The following NSMCE2 variants were observed in gnomAD, a reference collection of about 807,000 sequenced individuals.
NSMCE2 encodes NSE2 SUMO ligase component of SMC5/6 complex, also known as E3 SUMO-protein ligase NSE2.
NSMCE2 carries 24 observed loss-of-function variants against 23.8 expected under a neutral mutation model. That is an observed-to-expected ratio of 1.01 (90% CI 0.73 to 1.42). The LOEUF is 1.42. NSMCE2 is among the 40% of genes most tolerant of loss of function. The probability of loss-of-function intolerance (pLI) is 0.00; values close to 1 mark genes in which losing one functional copy is unlikely to be tolerated. For missense variants in NSMCE2, 284 were observed against 296.5 expected, an observed-to-expected ratio of 0.96 and a Z score of 0.31; for synonymous variants, 92 against 94.1, an observed-to-expected ratio of 0.98 and a Z score of 0.13.
intron 4 of NSMCE2, among the ~76,000 whole-genome samples, chr8:125,168,677 A>G (rs991845573): frequency 6.6e-6 from 1 of 152,168 alleles, no homozygotes; most frequent in Non-Finnish European, 1.5e-5. Context: ...CTCGTGCTCT[A>G]ATCTCTTCCC....
chr8:125,150,647 A>T (rs1475123955), intron 3 of NSMCE2, among the ~76,000 whole-genome samples: 2 of 151,264 alleles, frequency 1.3e-5, no homozygotes, highest in Non-Finnish European at 2.9e-5. Flanking sequence ...CTCCCAAAGT[A>T]CTAGGATTAC....
intron 1 of NSMCE2, among the ~76,000 whole-genome samples, chr8:125,095,206 A>G (rs759231358): frequency 1.2e-4 from 19 of 152,216 alleles, no homozygotes; most frequent in Non-Finnish European, 2.8e-4. Flanking sequence ...GACAGTGCAG[A>G]TTATAGAACG....
chr8:125,168,601 A>G (rs1822014925), intron 4 of NSMCE2, among the ~76,000 whole-genome samples: 1 of 152,206 alleles, frequency 6.6e-6, no homozygotes, highest in Admixed American at 6.5e-5. Flanking sequence ...ACAAGATGGA[A>G]TGAGCAAACA....
chr8:125,340,146 C>T (rs13261579), intron 5 of NSMCE2, among the ~76,000 whole-genome samples: 65,540 of 150,048 alleles, frequency 0.44, 16,415 homozygotes, highest in East Asian at 0.55. Context: ...TCCCGAGTAG[C>T]TGGGACTACA....
intron 3 of NSMCE2, among the ~76,000 whole-genome samples, chr8:125,118,983 A>G (rs1298607371): frequency 6.6e-6 from 1 of 152,242 alleles, no homozygotes; most frequent in Admixed American, 6.5e-5. Flanking sequence ...TATTGTGCGC[A>G]TAAATTTCTT....
At chr8:125,115,509 G>A (rs1260572951) in intron 3 of NSMCE2, among the ~76,000 whole-genome samples, 1 of 152,206 alleles carries the variant, frequency 6.6e-6, no homozygotes. Context: ...CCAGCACTTT[G>A]GAAGGCCAAG....
At chr8:125,150,065 G>T (rs1223634013) in intron 3 of NSMCE2, among the ~76,000 whole-genome samples, 1 of 152,026 alleles carries the variant, frequency 6.6e-6, no homozygotes, top group Non-Finnish European at 1.5e-5. Context: ...CAGGTTAGGG[G>T]AACCCAGGCT....
intron 5 of NSMCE2, among the ~76,000 whole-genome samples, chr8:125,325,299 ATAAAATAAAATAAAATAAAATAAAG>A (rs1182442797): frequency 1.8e-5 from 2 of 112,286 alleles, no homozygotes; most frequent in Middle Eastern, 4.8e-3. Flanking sequence ...TTCTATTAAA[ATAAAATAAAATAAAATAAAATAAAG>A]TAAAATAAAA....
chr8:125,160,874 T>C (rs1460110357), intron 4 of NSMCE2, among the ~76,000 whole-genome samples: 1 of 152,270 alleles, frequency 6.6e-6, no homozygotes, highest in Non-Finnish European at 1.5e-5. Flanking sequence ...TTAAGTATTT[T>C]TTATTTACTT....
rs145995661 is a variant in NSMCE2 at position 125,222,684 on chromosome 8, G to A, written c.418+40428G>A. 3.3e-3 allele frequency among the ~76,000 whole-genome samples: 510 copies of A among 152,254 alleles called. 3 individuals carry two copies. Among genetic ancestry groups the A allele is most frequent in the Non-Finnish European group, 5.4e-3 (369 of 68,018 alleles). The stretch of plus-strand genomic sequence containing the variant: ...GCCCTCCAGGTTCATCCATGTTGTT[G>A]CAAATGACAGAATTTCTTTTTAAAG... On this transcript the variant is annotated intron_variant, in intron 5 of 7. Transcript: ENST00000287437.
intron 5 of NSMCE2, among the ~76,000 whole-genome samples, chr8:125,193,246 A>C (rs904221344): frequency 2.0e-5 from 3 of 152,230 alleles, no homozygotes; most frequent in East Asian, 3.8e-4. Flanking sequence ...CCAACTTATC[A>C]CGACAGACAT....
At chr8:125,298,932 AGTT>A (rs1009888969) in intron 5 of NSMCE2, among the ~76,000 whole-genome samples, 2 of 152,160 alleles carry the variant, frequency 1.3e-5, no homozygotes, top group African/African-American at 4.8e-5. Flanking sequence ...GTCCCATAGT[AGTT>A]GTTCCTCCGA....
At chr8:125,234,403 G>A (rs545653425) in intron 5 of NSMCE2, among the ~76,000 whole-genome samples, 1 of 152,118 alleles carries the variant, frequency 6.6e-6, no homozygotes, top group Admixed American at 6.5e-5. Context: ...AACTAGGCAG[G>A]CTTTTTCAAA....
In NSMCE2 at chr8:125,343,248, C is replaced by T. The variant is rs1055847333; in HGVS notation, c.419-13971C>T. ...CGCTGAGCACTAACAGATGTGACAA[C>T]TTATAACACAGGTACTTCCTCCTTC... On this transcript the variant is annotated intron_variant, in intron 5 of 7. Coordinates refer to ENST00000287437, the MANE Select transcript of NSMCE2 (RefSeq NM_173685.4). Among the ~76,000 whole-genome samples the T allele has an allele frequency of 2.0e-5, 3 of 152,158 alleles. No homozygotes were observed. The South Asian group carries it at 6.2e-4, about 31-fold the overall frequency.
intron 3 of NSMCE2, among the ~76,000 whole-genome samples, chr8:125,141,764 A>G (rs907410174): frequency 2.0e-5 from 3 of 152,192 alleles, no homozygotes; most frequent in Non-Finnish European, 4.4e-5. Flanking sequence ...TCTGATGAAC[A>G]CTTACTCATC....
At chr8:125,209,589 G>A (rs1467838829) in intron 5 of NSMCE2, among the ~76,000 whole-genome samples, 3 of 152,078 alleles carry the variant, frequency 2.0e-5, no homozygotes, top group Non-Finnish European at 2.9e-5. Flanking sequence ...ATAGAATATA[G>A]GAATCATGAT....
intron 4 of NSMCE2, among the ~76,000 whole-genome samples, chr8:125,158,260 CCAGGCCCTTTCT>C (rs1821426677): frequency 6.6e-6 from 1 of 152,132 alleles, no homozygotes; most frequent in Non-Finnish European, 1.5e-5. Context: ...CAGGAAAGGG[CCAGGCCCTTTCT>C]CCATTGCATT....
At chr8:125,321,694 A>G (rs969735433) in intron 5 of NSMCE2, among the ~76,000 whole-genome samples, 3 of 152,252 alleles carry the variant, frequency 2.0e-5, no homozygotes, top group Non-Finnish European at 4.4e-5. Context: ...ATACATTATG[A>G]CCAACGGGGG....
intron 5 of NSMCE2, among the ~76,000 whole-genome samples, chr8:125,355,119 C>A (rs1008648502): frequency 1.1e-4 from 16 of 152,214 alleles, no homozygotes; most frequent in African/African-American, 3.6e-4. Context: ...ACTTCTGGTC[C>A]CAAGCATTTC....
Sources: gnomAD v4.1 joint callset for allele counts (sites outside exome capture counted in the v4.1 genomes callset) on GRCh38, gnomAD v4.1.1 for gene constraint, MANE v1.5 for transcripts, NCBI Gene and HGNC (gene_info 2026-07-23, HGNC 2026-07-21) for gene names.